Variants in PRKN observed in about 807,000 individuals in gnomAD.
PRKN encodes parkin RBR E3 ubiquitin protein ligase, also known as E3 ubiquitin-protein ligase parkin.
PRKN carries 56 observed loss-of-function variants against 59.5 expected under a neutral mutation model. The observed-to-expected ratio is 0.94, with a 90% CI of 0.76 to 1.18. The LOEUF is 1.18. Ranked by LOEUF, PRKN falls within the 50% of genes most tolerant of loss-of-function variation. The pLI, the probability that PRKN is intolerant of heterozygous loss-of-function variation, is 0.00. For missense variants in PRKN, 657 were observed against 596.4 expected (o/e 1.10, Z -1.06); for synonymous variants, 250 against 222.1 (o/e 1.13, Z -1.12).
At chr6:161,703,943 CCT>C (rs1167953439) in intron 7 of PRKN, among the ~76,000 whole-genome samples, 1 of 142,648 alleles carries the variant, frequency 7.0e-6, no homozygotes, top group Non-Finnish European at 1.5e-5. Flanking sequence ...GCAACCTCCA[CCT>C]TCCAGGTTCA....
At chr6:162,094,305 C>G (rs532620461) in intron 4 of PRKN, among the ~76,000 whole-genome samples, 1 of 152,024 alleles carries the variant, frequency 6.6e-6, no homozygotes, top group South Asian at 2.1e-4. Flanking sequence ...GCCTGGGCAA[C>G]AAAGCGAGAG....
intron 1 of PRKN, among the ~76,000 whole-genome samples, chr6:162,472,934 T>C (rs1341866589): frequency 6.6e-6 from 1 of 151,692 alleles, no homozygotes; most frequent in Non-Finnish European, 1.5e-5. Context: ...AACCTATAGT[T>C]GTGGTGTTTT....
At chr6:161,494,697 C>T (rs1257637142) in intron 9 of PRKN, among the ~76,000 whole-genome samples, 8 of 152,130 alleles carry the variant, frequency 5.3e-5, no homozygotes, top group South Asian at 4.1e-4. Context: ...AGTATGAAAA[C>T]GGTCTGCAAT....
At chr6:161,522,864 G>C (rs766900527) in intron 9 of PRKN, among the ~76,000 whole-genome samples, 1 of 152,110 alleles carries the variant, frequency 6.6e-6, no homozygotes, top group African/African-American at 2.4e-5. Context: ...CAGTGACATC[G>C]TATCAATAAA....
intron 1 of PRKN, among the ~76,000 whole-genome samples, chr6:162,626,144 A>T (rs1196279720): frequency 6.6e-6 from 1 of 152,210 alleles, no homozygotes; most frequent in Non-Finnish European, 1.5e-5. Flanking sequence ...GCAATCATTG[A>T]TTAGTGCAAT....
chr6:161,771,369 AAATAAAATAAAATAAAATAAAATAAAAT>A (rs1789678204), intron 7 of PRKN, among the ~76,000 whole-genome samples: 1 of 89,416 alleles, frequency 1.1e-5, no homozygotes, highest in Non-Finnish European at 2.4e-5. Flanking sequence ...AAAAAAAAAA[AAATAAAATAAAATAAAATAAAATAAAAT>A]AAAAGCACTG....
chr6:162,677,731 A>T (rs1308206468), intron 1 of PRKN, among the ~76,000 whole-genome samples: 2 of 152,154 alleles, frequency 1.3e-5, no homozygotes, highest in African/African-American at 4.8e-5. Flanking sequence ...TCAACTCAGG[A>T]GGTGTTGGCT....
At position 162,525,917 on chromosome 6, in the gene PRKN, A is replaced by T. The variant is rs549494369; in HGVS notation, c.8-82444T>A. ...TGCCCAGGCTGGAGTGCAATGGTGCAATCACGGCCCACTGCAGCCCCGACC... is the reference window on the plus strand; with the variant it reads ...TGCCCAGGCTGGAGTGCAATGGTGCTATCACGGCCCACTGCAGCCCCGACC... On this transcript the variant is annotated intron_variant, in intron 1 of 11. Coordinates refer to ENST00000366898, the MANE Select transcript of PRKN (RefSeq NM_004562.3). Among the ~76,000 whole-genome samples, 56 of 152,286 alleles carry T rather than the reference A, an allele frequency of 3.7e-4. 1 individual carries two copies. Among genetic ancestry groups the T allele is most frequent in the Non-Finnish European group, 7.1e-4 (48 of 68,018 alleles).
At chr6:161,597,001 A>T (rs542863436) in intron 7 of PRKN, among the ~76,000 whole-genome samples, 1 of 152,202 alleles carries the variant, frequency 6.6e-6, no homozygotes, top group African/African-American at 2.4e-5. Flanking sequence ...TTGGCCAATG[A>T]AAAGTACCGG....
At chr6:161,705,850 G>A (rs749000362) in intron 7 of PRKN, among the ~76,000 whole-genome samples, 2 of 152,018 alleles carry the variant, frequency 1.3e-5, no homozygotes, top group African/African-American at 4.8e-5. Context: ...CTATGTTGTT[G>A]TACCTTCTTA....
At chr6:161,831,514 C>T (rs527400739) in intron 6 of PRKN, among the ~76,000 whole-genome samples, 3 of 152,226 alleles carry the variant, frequency 2.0e-5, no homozygotes, top group South Asian at 2.1e-4. Context: ...TGGAGGTTCC[C>T]GATTTTCATA....
chr6:161,513,167 C>T (rs1173310392), intron 9 of PRKN, among the ~76,000 whole-genome samples: 2 of 152,202 alleles, frequency 1.3e-5, no homozygotes, highest in African/African-American at 2.4e-5. Flanking sequence ...AATTTGGCTG[C>T]CTCTTAAGCT....
intron 7 of PRKN, among the ~76,000 whole-genome samples, chr6:161,715,615 C>G (rs1447777162): frequency 6.6e-6 from 1 of 152,118 alleles, no homozygotes; most frequent in Non-Finnish European, 1.5e-5. Flanking sequence ...TGACATTGTT[C>G]CTTCTTAAAC....
chr6:162,194,285 A>T (rs927275475), intron 4 of PRKN, among the ~76,000 whole-genome samples: 2 of 152,256 alleles, frequency 1.3e-5, no homozygotes, highest in Non-Finnish European at 2.9e-5. Flanking sequence ...TCAAATACAG[A>T]ATACAATAAA....
At chr6:161,591,378 C>T (rs1781719792) in intron 7 of PRKN, among the ~76,000 whole-genome samples, 1 of 152,134 alleles carries the variant, frequency 6.6e-6, no homozygotes, top group African/African-American at 2.4e-5. Context: ...GCTTACTGGG[C>T]CTGAAGGAAA....
Position 161,373,668 on chromosome 6 carries a change from G to A in PRKN, c.1167+13126C>T, listed in dbSNP as rs1785533579. Among the ~76,000 whole-genome samples, 1 of 151,784 alleles carries A rather than the reference G, an allele frequency of 6.6e-6. No homozygotes were observed. Among genetic ancestry groups the A allele is most frequent in the African/African-American group, 2.4e-5 (1 of 41,290 alleles). On this transcript the variant is annotated intron_variant, in intron 10 of 11. Coordinates refer to ENST00000366898, the MANE Select transcript of PRKN (RefSeq NM_004562.3). The surrounding 1 kb of genome is among the most constrained non-coding windows in gnomAD (Gnocchi z 4.8). ...TGAGTTAAATGGGCTACACCTCTGT[G>A]CTTGCGGGGTGCTGAGTTTAAACGG...
chr6:162,054,001 A>C, intron 5 of PRKN, 90 bp downstream of exon 5: 1 of 875,884 alleles, frequency 1.1e-6, no homozygotes, highest in Admixed American at 1.7e-5. Flanking sequence ...AAGAACAGTC[A>C]GTTGACATTT....
chr6:161,457,835 G>A lies in PRKN; in HGVS notation c.1084-70958C>T, dbSNP rs1004013531. Among the ~76,000 whole-genome samples the A allele has an allele frequency of 2.6e-5, 4 of 152,200 alleles. No homozygotes were observed. The highest frequency in any genetic ancestry group is 2.1e-4 in the South Asian group (1 of 4,826). ...GAAGTCCAACATTTTGTAGATGACCGCACATGTAAGTTAAAGAAATAGTGG... is the reference window on the plus strand; with the variant it reads ...GAAGTCCAACATTTTGTAGATGACCACACATGTAAGTTAAAGAAATAGTGG... On this transcript the variant is annotated intron_variant, in intron 9 of 11. Transcript: ENST00000366898. The surrounding 1 kb of genome is among the most constrained non-coding windows in gnomAD (Gnocchi z 5.0).
rs1268293862 is a variant in PRKN at position 161,444,585 on chromosome 6, G to C, written c.1084-57708C>G. Among the ~76,000 whole-genome samples, 1 of 152,246 alleles carries C rather than the reference G, an allele frequency of 6.6e-6. No individual in the cohort carries two copies. Among genetic ancestry groups the C allele is most frequent in the African/African-American group, 2.4e-5 (1 of 41,464 alleles). Reference sequence around the variant, plus strand: ...GGCATTCAGTCAGCAAATATTAATTGACGTGGTGAGGTTGTGCTCTGAAAA... The same window carrying C: ...GGCATTCAGTCAGCAAATATTAATTCACGTGGTGAGGTTGTGCTCTGAAAA... On this transcript the variant is annotated intron_variant, in intron 9 of 11. Transcript: ENST00000366898. This position sits in a 1 kb window ranked among gnomAD's most constrained non-coding sequence, Gnocchi z 5.6.
Sources: gnomAD v4.1 joint callset for allele counts (sites outside exome capture counted in the v4.1 genomes callset) on GRCh38, gnomAD v4.1.1 for gene constraint, Gnocchi (gnomAD v3.1) non-coding constraint, MANE v1.5 for transcripts, NCBI Gene and HGNC (gene_info 2026-07-23, HGNC 2026-07-21) for gene names.